Variants in CUL3 observed in about 807,000 individuals in gnomAD.
CUL3 encodes cullin 3.
Under a neutral mutation model 89.1 loss-of-function variants are expected in CUL3, and 19 were observed. The observed-to-expected ratio is 0.21, with a 90% CI of 0.15 to 0.31. The LOEUF is 0.31. CUL3 is among the 10% of genes least tolerant of loss of function. The pLI is 1.00. For synonymous variants in CUL3, 351 were observed against 308.4 expected (o/e 1.14, Z -1.45); for missense variants, 469 against 942.3 (o/e 0.50, Z 6.58).
At chr2:224,528,640 A>C (rs565651766) in intron 3 of CUL3, among the ~76,000 whole-genome samples, 1 of 152,232 alleles carries the variant, frequency 6.6e-6, no homozygotes, top group East Asian at 1.9e-4. Context: ...AGGAGACTAG[A>C]ATACCAAAAG....
chr2:224,581,790 T>C (rs1352750587), intron 1 of CUL3, among the ~76,000 whole-genome samples: 2 of 151,708 alleles, frequency 1.3e-5, no homozygotes, highest in Non-Finnish European at 2.9e-5. Context: ...GGATTACAGG[T>C]GTGAAGGTGT....
chr2:224,483,264 GA>G (rs749204110), intron 13 of CUL3, among the ~76,000 whole-genome samples: 7 of 152,138 alleles, frequency 4.6e-5, no homozygotes, highest in Non-Finnish European at 1.0e-4. Flanking sequence ...CAATGAACCA[GA>G]AATACCTTAG....
At chr2:224,527,546 A>G (rs888757330) in intron 3 of CUL3, among the ~76,000 whole-genome samples, 3 of 152,232 alleles carry the variant, frequency 2.0e-5, no homozygotes, top group Non-Finnish European at 4.4e-5. Flanking sequence ...ACTAATGAGC[A>G]ATCTGACACA....
At chr2:224,528,220 C>T (rs182189180) in intron 3 of CUL3, among the ~76,000 whole-genome samples, 146 of 152,302 alleles carry the variant, frequency 9.6e-4, no homozygotes, top group African/African-American at 3.4e-3. Context: ...AGGGCTGGCT[C>T]CTTATGGAGG....
intron 2 of CUL3, 121 bp downstream of exon 2, chr2:224,557,538 T>C (rs966801074): frequency 1.7e-6 from 1 of 602,800 alleles, no homozygotes; most frequent in Non-Finnish European, 2.7e-6. Flanking sequence ...AGTCACGAAT[T>C]AGTAATTTCT....
chr2:224,531,874 T>C (rs575028292), intron 3 of CUL3, among the ~76,000 whole-genome samples: 4 of 152,098 alleles, frequency 2.6e-5, no homozygotes, highest in African/African-American at 7.2e-5. Flanking sequence ...GGGAGCAATA[T>C]GGAAAACAGA....
At chr2:224,534,278 A>AT (rs1559186298) in intron 3 of CUL3, among the ~76,000 whole-genome samples, 1 of 152,122 alleles carries the variant, frequency 6.6e-6, no homozygotes, top group African/African-American at 2.4e-5. Flanking sequence ...GCTGAACAGG[A>AT]TTTTTTTCTT....
Position 224,485,473 on chromosome 2 carries a change from G to C in CUL3, c.1843-3395C>G, listed in dbSNP as rs927279613. ...CACCATTCCTGAGGCTTGAGTAGGCGGTTTTCCCCTCACAGTGTAAACAAG... is the reference window on the plus strand; with the variant it reads ...CACCATTCCTGAGGCTTGAGTAGGCCGTTTTCCCCTCACAGTGTAAACAAG... On this transcript the variant is annotated intron_variant, in intron 13 of 15. Coordinates refer to ENST00000264414, the MANE Select transcript of CUL3 (RefSeq NM_003590.5). This position sits in a 1 kb window ranked among gnomAD's most constrained non-coding sequence, Gnocchi z 4.1. 1.3e-5 allele frequency: 2 copies of C among 152,260 alleles called. No individual in the cohort carries two copies. Among genetic ancestry groups the C allele is most frequent in the South Asian group, 4.1e-4 (2 of 4,822 alleles). The allele number at this position is 152,260 out of a possible 1,614,324, so 9.4% of individuals were successfully genotyped here.
chr2:224,500,526 C>A (rs1218973899), intron 10 of CUL3, 39 bp from the exon 11 acceptor site: 2 of 1,602,154 alleles, frequency 1.2e-6, no homozygotes, highest in Non-Finnish European at 8.5e-7. Context: ...TCAAAATTAA[C>A]TAGGATTTGC....
At chr2:224,481,829 A>T (rs1040008469) in intron 14 of CUL3, 63 bp downstream of exon 14, 2 of 1,150,398 alleles carry the variant, frequency 1.7e-6, no homozygotes, top group African/African-American at 3.3e-5. Flanking sequence ...CCAATAGATG[A>T]GATTTTTTTT....
intron 1 of CUL3, among the ~76,000 whole-genome samples, chr2:224,566,202 G>A (rs2106316486): frequency 6.6e-6 from 1 of 152,220 alleles, no homozygotes; most frequent in Admixed American, 6.5e-5. Context: ...ATACTAAAAG[G>A]CAATCCCTTA....
At chr2:224,495,998 A>T (rs868313700) in intron 12 of CUL3, 32 bp from the exon 13 acceptor site, 4 of 1,606,750 alleles carry the variant, frequency 2.5e-6, no homozygotes, top group Middle Eastern at 3.3e-4. Flanking sequence ...ATAAACAAAG[A>T]CACAATCATT....
Position 224,471,794 on chromosome 2 carries a change from G to A in CUL3, c.*2451C>T. On this transcript the variant is annotated 3_prime_UTR_variant, in exon 16 of 16. Transcript: ENST00000264414. ...TCCTGGACTTGATAATGAAGGCAGA[G>A]AATTACACTTTAACAGTTACTGAAG... The A allele has an allele frequency of 4.4e-6, 1 of 228,098 alleles. No homozygotes were observed. The highest frequency in any genetic ancestry group is 8.7e-6 in the Non-Finnish European group (1 of 114,910). 14.1% of individuals were successfully genotyped at this position (228,098 alleles called of 1,614,324 possible).
intron 1 of CUL3, 38 bp from the exon 2 acceptor site, chr2:224,557,894 A>AAAAAC: frequency 8.7e-7 from 1 of 1,149,724 alleles, no homozygotes. Context: ...AAAAAAAAAA[A>AAAAAC]AAAAAAAAAA....
intron 1 of CUL3, among the ~76,000 whole-genome samples, chr2:224,579,575 T>C (rs1695387673): frequency 6.6e-6 from 1 of 152,220 alleles, no homozygotes. Flanking sequence ...ACTCCTTCAC[T>C]AATGTGAGTC....
chr2:224,500,852 G>T (rs1052278290), intron 10 of CUL3, among the ~76,000 whole-genome samples: 31 of 151,932 alleles, frequency 2.0e-4, no homozygotes, highest in African/African-American at 7.5e-4. Flanking sequence ...TCGAACTCCT[G>T]ACCTCAGATG....
At chr2:224,533,130 G>C (rs988704788) in intron 3 of CUL3, 3 of 152,190 alleles carry the variant, frequency 2.0e-5, no homozygotes, top group Non-Finnish European at 4.4e-5. Context: ...CAGTGTGAAG[G>C]GTTGACCACA....
At chr2:224,541,300 CAA>C (rs1160464652) in intron 2 of CUL3, among the ~76,000 whole-genome samples, 1 of 151,338 alleles carries the variant, frequency 6.6e-6, no homozygotes, top group Non-Finnish European at 1.5e-5. Context: ...GACACTTCAC[CAA>C]AGAGGATATA....
At position 224,496,082 on chromosome 2, in the gene CUL3, G is replaced by C. The variant is rs1033722651; in HGVS notation, c.1708-116C>G. On this transcript the variant is annotated intron_variant, in intron 12 of 15. Transcript: ENST00000264414. ...GTCTCACTTTGTCATCCAGGCTACA[G>C]TGCAGTGGCGCAAACACAGCTCACT... is the stretch of plus-strand genomic sequence containing the variant. The C allele has an allele frequency of 7.1e-6, 8 of 1,119,848 alleles. No homozygotes were observed. In the African/African-American group the frequency reaches 9.5e-5, roughly 13 times the overall value. The allele number at this position is 1,119,848 out of a possible 1,614,324, so 69.4% of individuals were successfully genotyped here.
Sources: allele counts gnomAD v4.1 joint callset (sites outside exome capture counted in the v4.1 genomes callset), GRCh38; gene constraint gnomAD v4.1.1; non-coding constraint Gnocchi (gnomAD v3.1); transcripts MANE v1.5; gene names NCBI Gene and HGNC (gene_info 2026-07-23, HGNC 2026-07-21).